The following SLC24A2 variants were observed in gnomAD, a reference collection of about 807,000 sequenced individuals.
SLC24A2 encodes the protein solute carrier family 24 member 2.
SLC24A2 carries 36 observed loss-of-function variants against 62.0 expected under a neutral mutation model. The observed-to-expected ratio is 0.58, with a 90% CI of 0.44 to 0.77. The LOEUF is 0.77. SLC24A2 is among the 30% of genes least tolerant of loss of function. SLC24A2 has a pLI of 0.00. For missense variants in SLC24A2, 846 were observed against 817.9 expected, an observed-to-expected ratio of 1.03 and a Z score of -0.42; for synonymous variants, 358 against 294.0, an observed-to-expected ratio of 1.22 and a Z score of -2.23.
chr9:19,734,397 AAGTAGTT>A (rs1361466181), intron 2 of SLC24A2, among the ~76,000 whole-genome samples: 7 of 152,104 alleles, frequency 4.6e-5, no homozygotes, highest in African/African-American at 1.7e-4. Flanking sequence ...ATGAACTTTA[AAGTAGTT>A]TTTTCCAATT....
the SLC24A2 span, among the ~76,000 whole-genome samples, chr9:20,238,958 G>T: frequency 2.0e-5 from 3 of 152,138 alleles, no homozygotes; most frequent in South Asian, 6.2e-4. Context: ...AAAAGGCCAC[G>T]GGAGGGCACA....
At chr9:19,846,897 C>A in the SLC24A2 span, among the ~76,000 whole-genome samples, 1 of 152,020 alleles carries the variant, frequency 6.6e-6, no homozygotes, top group Non-Finnish European at 1.5e-5. Flanking sequence ...TGGTGCATGC[C>A]TGTGGTCCCA....
the SLC24A2 span, among the ~76,000 whole-genome samples, chr9:20,139,995 C>T: frequency 1.2e-4 from 18 of 152,182 alleles, no homozygotes; most frequent in South Asian, 3.1e-3. Context: ...TCCAGGTGCC[C>T]GGGGACTGAT....
chr9:19,596,992 C>A (rs1479376101), intron 5 of SLC24A2, among the ~76,000 whole-genome samples: 1 of 152,118 alleles, frequency 6.6e-6, no homozygotes, highest in Admixed American at 6.6e-5. Context: ...GAGTGTGTTA[C>A]ATAATTATGA....
At chr9:20,006,618 A>AAAAAAT in the SLC24A2 span, among the ~76,000 whole-genome samples, 2 of 152,246 alleles carry the variant, frequency 1.3e-5, no homozygotes, top group East Asian at 3.9e-4. Flanking sequence ...CACAAAAATT[A>AAAAAAT]AAAAATAAAA....
chr9:19,520,498 C>A (rs2132635001), intron 10 of SLC24A2, among the ~76,000 whole-genome samples: 1 of 152,244 alleles, frequency 6.6e-6, no homozygotes. Context: ...CTATGTTTTC[C>A]CCAATCTGCC....
At chr9:19,762,299 G>A (rs941482144) in intron 2 of SLC24A2, among the ~76,000 whole-genome samples, 1 of 152,182 alleles carries the variant, frequency 6.6e-6, no homozygotes, top group African/African-American at 2.4e-5. Flanking sequence ...CTCTGCAGAA[G>A]CTCTTTAGGT....
the SLC24A2 span, among the ~76,000 whole-genome samples, chr9:20,234,938 T>C: frequency 2.0e-5 from 3 of 152,234 alleles, no homozygotes; most frequent in Non-Finnish European, 4.4e-5. Context: ...TCGTTTTCCT[T>C]CTAACAGACA....
the SLC24A2 span, among the ~76,000 whole-genome samples, chr9:20,143,803 C>G: frequency 6.6e-6 from 1 of 152,144 alleles, no homozygotes; most frequent in South Asian, 2.1e-4. Flanking sequence ...ATTAACATTG[C>G]TTGTGGGTGG....
chr9:20,076,144 G>C, the SLC24A2 span, among the ~76,000 whole-genome samples: 1 of 151,880 alleles, frequency 6.6e-6, no homozygotes, highest in African/African-American at 2.4e-5. Context: ...TCACAGATGC[G>C]GAACCTATGG....
the SLC24A2 span, among the ~76,000 whole-genome samples, chr9:19,947,520 G>T: frequency 0.013 from 1,967 of 152,106 alleles, 53 homozygotes; most frequent in African/African-American, 0.045. Flanking sequence ...GCCGGGTGTG[G>T]TGGCTCACAC....
At chr9:19,838,132 C>G in the SLC24A2 span, among the ~76,000 whole-genome samples, 1 of 152,114 alleles carries the variant, frequency 6.6e-6, no homozygotes, top group Admixed American at 6.6e-5. Context: ...GCCTAAAGAA[C>G]AAAGCTGGAG....
chr9:20,219,954 C>T, the SLC24A2 span, among the ~76,000 whole-genome samples: 7 of 152,132 alleles, frequency 4.6e-5, no homozygotes, highest in Non-Finnish European at 8.8e-5. Flanking sequence ...GTCTATCCTA[C>T]CTACCATACA....
chr9:20,089,459 T>C, the SLC24A2 span, among the ~76,000 whole-genome samples: 3 of 152,002 alleles, frequency 2.0e-5, no homozygotes, highest in African/African-American at 7.3e-5. Flanking sequence ...GCTCTCAGCC[T>C]GGGGAAAGGA....
At chr9:19,685,951 G>A (rs1199963895) in intron 2 of SLC24A2, among the ~76,000 whole-genome samples, 4 of 151,974 alleles carry the variant, frequency 2.6e-5, no homozygotes, top group Non-Finnish European at 4.4e-5. Context: ...TTTCTGCACA[G>A]CAAAACACAC....
chr9:20,210,479 TTTTG>T, the SLC24A2 span, among the ~76,000 whole-genome samples: 101 of 151,826 alleles, frequency 6.7e-4, 2 homozygotes, highest in African/African-American at 2.3e-3. Context: ...AAGGTTTTGT[TTTTG>T]TTTTTTTTTG....
At chr9:19,826,173 CAAAAAAA>C in the SLC24A2 span, among the ~76,000 whole-genome samples, 1 of 110,740 alleles carries the variant, frequency 9.0e-6, no homozygotes. Flanking sequence ...TGATGCATTG[CAAAAAAA>C]AAAAAAAAAA....
In SLC24A2 at chr9:19,514,515, TC is replaced by T. The variant is rs1477302064; in HGVS notation, c.*1637del. On this transcript the variant is annotated 3_prime_UTR_variant, in exon 11 of 11. Coordinates refer to ENST00000341998, the MANE Select transcript of SLC24A2 (RefSeq NM_020344.4). ...CCATTGATTCAGTTTGCCTATTTTT[TC>T]CCCCTTGCTGGCTTTATTTTCGACT... is the stretch of plus-strand genomic sequence containing the variant. 1.3e-5 allele frequency: 2 copies of T among 152,286 alleles called. No individual in the cohort carries two copies. The highest frequency in any genetic ancestry group is 2.1e-4 in the South Asian group (1 of 4,816). 9.4% of individuals were successfully genotyped at this position (152,286 alleles called of 1,614,324 possible). A position where few individuals can be genotyped will look rare whatever the true frequency, so the allele number is the denominator to read the frequency against.
the SLC24A2 span, among the ~76,000 whole-genome samples, chr9:20,045,814 G>T: frequency 1.3e-5 from 2 of 152,130 alleles, no homozygotes; most frequent in Non-Finnish European, 2.9e-5. Flanking sequence ...ATCCTGTTTG[G>T]AACTACTATG....
Sources: gnomAD v4.1 joint callset for allele counts (sites outside exome capture counted in the v4.1 genomes callset) on GRCh38, gnomAD v4.1.1 for gene constraint, MANE v1.5 for transcripts, NCBI Gene and HGNC (gene_info 2026-07-23, HGNC 2026-07-21) for gene names.